SIPA1L2: variants seen among roughly 807,000 people sequenced by gnomAD.
SIPA1L2 encodes signal induced proliferation associated 1 like 2, also known as signal-induced proliferation-associated 1-like protein 2.
Under a neutral mutation model 163.9 loss-of-function variants are expected in SIPA1L2, and 56 were observed. That is an observed-to-expected ratio of 0.34 (90% CI 0.28 to 0.43). The LOEUF (loss-of-function observed/expected upper bound fraction) is 0.43, where lower values mean the gene tolerates loss of function less well. Ranked by LOEUF, SIPA1L2 falls within the 20% of genes least tolerant of loss-of-function variation. The pLI, the probability that SIPA1L2 is intolerant of heterozygous loss-of-function variation, is 1.00. For missense variants in SIPA1L2, 1,974 were observed against 2,193.5 expected (o/e 0.90, Z 2.00); for synonymous variants, 877 against 865.7 (o/e 1.01, Z -0.23).
In SIPA1L2 at chr1:232,432,859, C is replaced by T. The variant is rs148417728; in HGVS notation, c.4032-388G>A. 5.9e-3 allele frequency among the ~76,000 whole-genome samples: 898 copies of T among 152,308 alleles called. 9 individuals carry two copies. Among genetic ancestry groups the T allele is most frequent in the African/African-American group, 0.02 (842 of 41,570 alleles). On this transcript the variant is annotated intron_variant, in intron 15 of 22. Coordinates refer to ENST00000674635, the MANE Select transcript of SIPA1L2 (RefSeq NM_020808.5). ...GCCAATGCAAACCACAATGGAATAG[C>T]ATTACATACTCACCAGACAGGCAAA...
intron 1 of SIPA1L2, among the ~76,000 whole-genome samples, chr1:232,599,007 G>A (rs1016514390): frequency 1.4e-5 from 2 of 146,986 alleles, no homozygotes; most frequent in African/African-American, 5.0e-5. Context: ...CGATTTTTTA[G>A]CCACTGCATT....
intron 2 of SIPA1L2, among the ~76,000 whole-genome samples, chr1:232,536,774 C>T (rs1358234655): frequency 6.6e-6 from 1 of 151,642 alleles, no homozygotes; most frequent in East Asian, 1.9e-4. Context: ...GTTCTTCTGC[C>T]TAAAAAAAAA....
intron 19 of SIPA1L2, among the ~76,000 whole-genome samples, chr1:232,409,133 C>A (rs948597296): frequency 6.6e-6 from 1 of 152,010 alleles, no homozygotes; most frequent in African/African-American, 2.4e-5. Context: ...TATAATAGAT[C>A]TTTTGGTTGA....
intron 2 of SIPA1L2, among the ~76,000 whole-genome samples, chr1:232,521,816 T>C (rs1667471449): frequency 1.3e-5 from 2 of 152,204 alleles, no homozygotes; most frequent in African/African-American, 4.8e-5. Flanking sequence ...TGCCTTCTCT[T>C]TTAATTTTAT....
At chr1:232,529,732 C>T (rs1344801002) in intron 2 of SIPA1L2, among the ~76,000 whole-genome samples, 1 of 152,214 alleles carries the variant, frequency 6.6e-6, no homozygotes. Flanking sequence ...GCAAATCAGA[C>T]ATCACAATTT....
intron 2 of SIPA1L2, among the ~76,000 whole-genome samples, chr1:232,529,850 C>T (rs1667888952): frequency 6.6e-6 from 1 of 152,170 alleles, no homozygotes; most frequent in Non-Finnish European, 1.5e-5. Context: ...CAAGAGAAAG[C>T]CGTAAGAGAT....
At chr1:232,506,832 G>A (rs894000509) in intron 3 of SIPA1L2, among the ~76,000 whole-genome samples, 5 of 152,200 alleles carry the variant, frequency 3.3e-5, no homozygotes, top group South Asian at 2.1e-4. Context: ...CTTTCTTCTT[G>A]TCTTAAAGAA....
chr1:232,573,024 G>A (rs1026769437), intron 2 of SIPA1L2, among the ~76,000 whole-genome samples: 4 of 151,708 alleles, frequency 2.6e-5, no homozygotes, highest in Admixed American at 1.3e-4. Flanking sequence ...CAGGTGATCC[G>A]TCCGCCTCGG....
At chr1:232,441,209 C>A in intron 14 of SIPA1L2, 82 bp downstream of exon 14, 1 of 1,058,786 alleles carries the variant, frequency 9.4e-7, no homozygotes, top group Non-Finnish European at 1.3e-6. Context: ...TGAGCATCCC[C>A]AGGAATCAGG....
Position 232,439,430 on chromosome 1 carries a change from T to C in SIPA1L2, c.3709A>G (p.Ser1237Gly). ...NTLSSNTSSN[S>G]DDKHFGSGDL... is the part of the protein sequence containing the mutation. ...CCAGACCCAAAGTGCTTGTCGTCACTGTTGCTGGAGGTGTTGCTGGAGAGC... is the reference window on the plus strand; with the variant it reads ...CCAGACCCAAAGTGCTTGTCGTCACCGTTGCTGGAGGTGTTGCTGGAGAGC... Residue 1237 changes from serine to glycine, a missense_variant, in exon 15 of 23, where the codon AGT becomes GGT. Coordinates refer to ENST00000674635, the MANE Select transcript of SIPA1L2 (RefSeq NM_020808.5). 1 of 1,614,116 alleles carries C rather than the reference T, an allele frequency of 6.2e-7. No individual in the cohort carries two copies. The highest frequency in any genetic ancestry group is 8.5e-7 in the Non-Finnish European group (1 of 1,179,960).
intron 2 of SIPA1L2, among the ~76,000 whole-genome samples, chr1:232,523,286 A>G (rs1319224583): frequency 6.6e-6 from 1 of 152,230 alleles, no homozygotes; most frequent in Non-Finnish European, 1.5e-5. Context: ...ACAGAAGAAC[A>G]GCTGTGAGTA....
chr1:232,584,162 C>T (rs1660529959), intron 1 of SIPA1L2, among the ~76,000 whole-genome samples: 1 of 152,200 alleles, frequency 6.6e-6, no homozygotes, highest in Non-Finnish European at 1.5e-5. Context: ...AAGAAGAATT[C>T]TAGACAGACA....
At chr1:232,470,364 G>A (rs990483265) in intron 8 of SIPA1L2, among the ~76,000 whole-genome samples, 2 of 152,158 alleles carry the variant, frequency 1.3e-5, no homozygotes, top group African/African-American at 4.8e-5. Flanking sequence ...TTAATAAGGC[G>A]ACTGGGAAGT....
chr1:232,458,028 G>C (rs1465800447), intron 10 of SIPA1L2, among the ~76,000 whole-genome samples: 2 of 152,212 alleles, frequency 1.3e-5, no homozygotes, highest in African/African-American at 4.8e-5. Flanking sequence ...AAATGATACA[G>C]GCTAGGCTTA....
intron 10 of SIPA1L2, among the ~76,000 whole-genome samples, chr1:232,460,359 A>G: frequency 6.6e-6 from 1 of 152,166 alleles, no homozygotes; most frequent in East Asian, 1.9e-4. Context: ...GCCCTGAACC[A>G]GTTCAACATC....
At position 232,409,054 on chromosome 1, in the gene SIPA1L2, A is replaced by G. The variant is rs1469797672; in HGVS notation, c.4763-4876T>C. Among the ~76,000 whole-genome samples, 4 of 152,256 alleles carry G rather than the reference A, an allele frequency of 2.6e-5. No individual in the cohort carries two copies. The East Asian group carries it at 5.8e-4, about 22-fold the overall frequency. ...ACTCTTATATTCAGATTTCTGTCTG[A>G]GCTCTTAATTTTTCTTCAAAAATTC... On this transcript the variant is annotated intron_variant, in intron 19 of 22. Transcript: ENST00000674635.
intron 7 of SIPA1L2, among the ~76,000 whole-genome samples, chr1:232,474,824 TAAGTATC>T (rs1000756183): frequency 6.6e-6 from 1 of 151,708 alleles, no homozygotes; most frequent in Non-Finnish European, 1.5e-5. Context: ...GAAGTGAAAA[TAAGTATC>T]AGACAGCACA....
At chr1:232,473,735 T>G (rs1411410580) in intron 7 of SIPA1L2, among the ~76,000 whole-genome samples, 2 of 152,204 alleles carry the variant, frequency 1.3e-5, no homozygotes, top group African/African-American at 4.8e-5. Flanking sequence ...AAAAGTCTAG[T>G]TAATTTAACC....
chr1:232,571,738 GTTGT>G (rs1659740549), intron 2 of SIPA1L2, among the ~76,000 whole-genome samples: 1 of 152,134 alleles, frequency 6.6e-6, no homozygotes, highest in African/African-American at 2.4e-5. Context: ...ATGAAATATG[GTTGT>G]TTAAGAGAGT....
Sources: allele counts gnomAD v4.1 joint callset (sites outside exome capture counted in the v4.1 genomes callset), GRCh38; gene constraint gnomAD v4.1.1; transcripts MANE v1.5; gene names NCBI Gene and HGNC (gene_info 2026-07-23, HGNC 2026-07-21).